Variants in CDK2 observed in about 807,000 individuals in gnomAD.
CDK2 encodes the protein cyclin dependent kinase 2.
Under a neutral mutation model 35.0 loss-of-function variants are expected in CDK2, and 8 were observed. The ratio of observed to expected loss-of-function variants is 0.23; its 90% confidence interval spans 0.13 to 0.41. The LOEUF (loss-of-function observed/expected upper bound fraction) is 0.41. CDK2 is among the 10% of genes least tolerant of loss of function. The probability of loss-of-function intolerance (pLI) is 1.00; values close to 1 mark genes in which losing one functional copy is unlikely to be tolerated. For synonymous variants in CDK2, 134 were observed against 137.7 expected (o/e 0.97, Z 0.19); for missense variants, 201 against 367.1 (o/e 0.55, Z 3.70).
In CDK2 at chr12:55,971,784, G is replaced by A. The variant is rs1038940533; in HGVS notation, c.*159G>A. 13 of 589,970 alleles carry A rather than the reference G, an allele frequency of 2.2e-5. No individual in the cohort carries two copies. Among genetic ancestry groups the A allele is most frequent in the Admixed American group, 3.2e-5 (1 of 31,264 alleles). 36.5% of individuals were successfully genotyped at this position (589,970 alleles called of 1,614,324 possible). On this transcript the variant is annotated 3_prime_UTR_variant, in exon 7 of 7. Coordinates refer to ENST00000266970, the MANE Select transcript of CDK2 (RefSeq NM_001798.5). ...CAGCCAACTCTGGGAATACAGGGGTGAAAGGGGGGAACCAGTGAAAATGAA... is the reference window on the plus strand; with the variant it reads ...CAGCCAACTCTGGGAATACAGGGGTAAAAGGGGGGAACCAGTGAAAATGAA...
chr12:55,971,315 G>T, intron 6 of CDK2, 68 bp downstream of exon 6: 1 of 1,473,134 alleles, frequency 6.8e-7, no homozygotes. Context: ...GATGAAGGAA[G>T]GATGAGACCC....
In CDK2 at chr12:55,968,808, G is replaced by C; in HGVS notation, c.346G>C (p.Ala116Pro). The C allele has an allele frequency of 6.2e-7, 1 of 1,607,960 alleles. No homozygotes were observed. The highest frequency in any genetic ancestry group is 8.5e-7 in the Non-Finnish European group (1 of 1,177,668). The part of the protein sequence containing the change: ...SYLFQLLQGL[A>P]FCHSHRVLHR... ...TCTGTTCCAGCTGCTCCAGGGCCTA[G>C]CTTTCTGCCATTCTCATCGGGTCCT... Residue 116 changes from alanine (A) to proline (P), a missense_variant, in exon 4 of 7, where the codon GCT (alanine) becomes CCT (proline). This residue lies in a region of CDK2 where 47 missense variants were observed against 59.5 expected (regional missense o/e 0.79). Transcript: ENST00000266970.
chr12:55,968,724 C>A, intron 3 of CDK2, 54 bp from the exon 4 acceptor site: 1 of 1,436,768 alleles, frequency 7.0e-7, no homozygotes, highest in Non-Finnish European at 9.4e-7. Flanking sequence ...ACAGAGCAAA[C>A]CCAGTCTGCT....
intron 3 of CDK2, 176 bp downstream of exon 3, chr12:55,968,345 G>A: frequency 1.5e-6 from 1 of 661,822 alleles, no homozygotes; most frequent in Non-Finnish European, 2.5e-6. Flanking sequence ...TAACCCTAGG[G>A]TTGGACTGAA....
Position 55,968,204 on chromosome 12 carries a change from A to G in CDK2, c.315+35A>G, listed in dbSNP as rs774390450. ...CTCATCAGCTCCTCTCATCATGGGC[A>G]TGTCTTGGGGGACTGGTGGCAGGCA... On this transcript the variant is annotated intron_variant, in intron 3 of 6. Transcript: ENST00000266970. 6.8e-6 allele frequency: 11 copies of G among 1,610,802 alleles called. No individual in the cohort carries two copies. In the South Asian group the frequency reaches 1.1e-4, roughly 16 times the overall value.
intron 1 of CDK2, chr12:55,967,460 G>A (rs1889355720): frequency 4.8e-6 from 2 of 420,438 alleles, no homozygotes; most frequent in Admixed American, 7.7e-5. Context: ...GAACCGGCGA[G>A]AATCGCCTTT....
intron 1 of CDK2, 141 bp downstream of exon 1, chr12:55,967,265 C>T: frequency 1.5e-6 from 1 of 662,334 alleles, no homozygotes; most frequent in East Asian, 2.7e-5. Context: ...GGGTTGGGGG[C>T]CAGTAGAAGG....
chr12:55,971,595 G>A lies in CDK2; in HGVS notation c.867G>A (p.Val289=), dbSNP rs767352447. ...AALAHPFFQD[V]TKPVPHLRL is the part of the protein sequence containing the mutation. ...TGGCTCACCCTTTCTTCCAGGATGT[G>A]ACCAAGCCAGTACCCCATCTTCGAC... Residue 289 remains valine, a synonymous_variant, in exon 7 of 7, where the codon GTG becomes GTA. Coordinates refer to ENST00000266970, the MANE Select transcript of CDK2 (RefSeq NM_001798.5). The A allele has an allele frequency of 2.5e-6, 4 of 1,614,056 alleles. No homozygotes were observed. Among genetic ancestry groups the A allele is most frequent in the Non-Finnish European group, 3.4e-6 (4 of 1,179,954 alleles).
rs917952705 is a variant in CDK2, at chr12:55,967,000, T to C, written c.-9T>C. 29 of 1,605,546 alleles carry C rather than the reference T, an allele frequency of 1.8e-5. No individual in the cohort carries two copies. Among genetic ancestry groups the C allele is most frequent in the Non-Finnish European group, 2.4e-5 (28 of 1,175,052 alleles). On this transcript the variant is annotated 5_prime_UTR_variant, in exon 1 of 7. Transcript: ENST00000266970. ...CCAGGGCCGGGCTGACCCGACTCGC[T>C]GGCGCTTCATGGAGAACTTCCAAAA...
chr12:55,970,992 T>C, intron 5 of CDK2, 52 bp from the exon 6 acceptor site: 1 of 1,514,386 alleles, frequency 6.6e-7, no homozygotes, highest in Non-Finnish European at 9.2e-7. Context: ...TAGAGGAGAG[T>C]TTTGACTGAC....
chr12:55,969,359 G>A, intron 4 of CDK2, 116 bp from the exon 5 acceptor site: 1 of 508,252 alleles, frequency 2.0e-6, no homozygotes, highest in Non-Finnish European at 3.6e-6. Flanking sequence ...GATGATGGAG[G>A]GAAGGAAACT....
intron 4 of CDK2, 99 bp downstream of exon 4, chr12:55,969,047 A>G (rs1889410214): frequency 1.1e-6 from 1 of 897,712 alleles, no homozygotes; most frequent in Non-Finnish European, 1.7e-6. Flanking sequence ...GTTTCTTACT[A>G]GGTAGAAATA....
chr12:55,970,871 A>G, intron 5 of CDK2, 173 bp from the exon 6 acceptor site: 1 of 724,648 alleles, frequency 1.4e-6, no homozygotes, highest in Non-Finnish European at 2.5e-6. Flanking sequence ...GAGGAGACAG[A>G]TGAAGGAACT....
chr12:55,971,459 C>A, intron 6 of CDK2, 62 bp from the exon 7 acceptor site: 1 of 1,309,828 alleles, frequency 7.6e-7, no homozygotes, highest in Non-Finnish European at 1.1e-6. Context: ...TTTCTGGGAA[C>A]ACCTGCTGCC....
intron 4 of CDK2, 28 bp from the exon 5 acceptor site, chr12:55,969,447 C>T (rs200436362): frequency 1.9e-5 from 25 of 1,342,672 alleles, no homozygotes; most frequent in Non-Finnish European, 2.4e-5. Context: ...TATAAACCAC[C>T]CCGCCCCTCC....
Position 55,966,964 on chromosome 12 carries a change from A to C in CDK2, c.-45A>C. 6.8e-7 allele frequency: 1 copy of C among 1,477,554 alleles called. No individual in the cohort carries two copies. Among genetic ancestry groups the C allele is most frequent in the East Asian group, 2.3e-5 (1 of 43,054 alleles). 91.5% of individuals were successfully genotyped at this position (1,477,554 alleles called of 1,614,324 possible). A position where few individuals can be genotyped will look rare whatever the true frequency, so the allele number is the denominator to read the frequency against. On this transcript the variant is annotated 5_prime_UTR_variant, in exon 1 of 7. Coordinates refer to ENST00000266970, the MANE Select transcript of CDK2 (RefSeq NM_001798.5). ...AGGGTCCGCCTTCTGCAGGGTTCCC[A>C]GGCCCCCGCTCCAGGGCCGGGCTGA... is the stretch of plus-strand genomic sequence containing the variant.
intron 1 of CDK2, 51 bp downstream of exon 1, chr12:55,967,175 C>A (rs568622337): frequency 1.5e-6 from 2 of 1,300,672 alleles, no homozygotes; most frequent in Non-Finnish European, 2.2e-6. Flanking sequence ...CCTTGATTGT[C>A]CCCCCCAACC....
In CDK2 at chr12:55,971,123, A is replaced by G; in HGVS notation, c.668A>G (p.Asp223Gly). 1.2e-6 allele frequency: 2 copies of G among 1,614,104 alleles called. No homozygotes were observed. Among genetic ancestry groups the G allele is most frequent in the Non-Finnish European group, 1.7e-6 (2 of 1,180,020 alleles). ...ATCTTTCGGACTCTGGGGACCCCAG[A>G]TGAGGTGGTGTGGCCAGGAGTTACT... ...FRIFRTLGTPDEVVWPGVTSM... is the reference protein window; with the variant it reads ...FRIFRTLGTPGEVVWPGVTSM... The change falls in exon 6 of 7, where the codon GAT becomes GGT. Residue 223 changes from aspartate to glycine, a missense_variant. By Grantham distance (94) the Asp-to-Gly change is moderately conservative. Around this residue, in one of 5 missense-constraint regions of CDK2, gnomAD observed 106 missense variants for 141.3 expected, o/e 0.75. Coordinates refer to ENST00000266970, the MANE Select transcript of CDK2 (RefSeq NM_001798.5).
intron 5 of CDK2, 73 bp downstream of exon 5, chr12:55,969,649 T>G: frequency 1.2e-6 from 1 of 819,766 alleles, no homozygotes; most frequent in Non-Finnish European, 2.0e-6. Context: ...CAGAACTGCT[T>G]CTTGGCCCAG....
Sources: allele counts gnomAD v4.1 joint callset, GRCh38; gene constraint gnomAD v4.1.1; regional missense constraint gnomAD v4.1.1; transcripts MANE v1.5; gene names NCBI Gene and HGNC (gene_info 2026-07-23, HGNC 2026-07-21).